Variants in KHDRBS2 observed in about 807,000 individuals in gnomAD.
KHDRBS2 encodes KH RNA binding domain containing, signal transduction associated 2, also known as KH domain-containing, RNA-binding, signal transduction-associated protein 2.
In KHDRBS2, 26 loss-of-function variants were observed where a neutral mutation model predicts 44.3. That is an observed-to-expected ratio of 0.59 (90% confidence interval 0.43 to 0.81). The LOEUF is 0.81. Ranked by LOEUF, KHDRBS2 falls within the 40% of genes least tolerant of loss-of-function variation. The pLI, the probability that KHDRBS2 is intolerant of heterozygous loss-of-function variation, is 0.00. For synonymous variants in KHDRBS2, 194 were observed against 151.1 expected (o/e 1.28, Z -2.08); for missense variants, 476 against 433.1 (o/e 1.10, Z -0.88).
At chr6:62,179,719 C>A (rs1343236714) in intron 1 of KHDRBS2, among the ~76,000 whole-genome samples, 7 of 151,746 alleles carry the variant, frequency 4.6e-5, no homozygotes, top group Non-Finnish European at 8.8e-5. Context: ...CACAAAACTA[C>A]TACCTTAGGC....
the KHDRBS2 span, among the ~76,000 whole-genome samples, chr6:61,650,464 C>A: frequency 1.3e-5 from 2 of 150,860 alleles, no homozygotes; most frequent in South Asian, 4.2e-4. Flanking sequence ...TAGAATCTAA[C>A]TAAATATTTG....
chr6:62,146,415 C>T (rs1813946019), intron 2 of KHDRBS2, among the ~76,000 whole-genome samples: 1 of 151,520 alleles, frequency 6.6e-6, no homozygotes, highest in Non-Finnish European at 1.5e-5. Flanking sequence ...CTCTACTATT[C>T]CTTACCTCAT....
the KHDRBS2 span, among the ~76,000 whole-genome samples, chr6:61,631,114 A>T: frequency 6.6e-6 from 1 of 152,084 alleles, no homozygotes; most frequent in African/African-American, 2.4e-5. Context: ...TAGAAGAGAC[A>T]TATCACTAAG....
intron 1 of KHDRBS2, among the ~76,000 whole-genome samples, chr6:62,235,344 C>T (rs1023766889): frequency 1.4e-4 from 21 of 152,096 alleles, no homozygotes; most frequent in African/African-American, 4.8e-4. Context: ...TAGACACTTT[C>T]TTCTGCCACG....
In KHDRBS2 at chr6:61,765,724, G is replaced by A. The variant is rs1472559498; in HGVS notation, c.811-32960C>T. ...AAAGCATTGTTGAATTTTATCAAAT[G>A]CTTTTTCAGCATCATTTGAAAAGAT... On this transcript the variant is annotated intron_variant, in intron 6 of 8. Transcript: ENST00000281156. Among the ~76,000 whole-genome samples, 8 of 152,018 alleles carry A rather than the reference G, an allele frequency of 5.3e-5. No homozygotes were observed. The South Asian group carries it at 1.5e-3, about 28-fold the overall frequency.
At chr6:62,043,681 T>A (rs1787045725) in intron 3 of KHDRBS2, among the ~76,000 whole-genome samples, 1 of 152,058 alleles carries the variant, frequency 6.6e-6, no homozygotes, top group Admixed American at 6.6e-5. Flanking sequence ...CGGCTAGGTA[T>A]AACTAAACAA....
the KHDRBS2 span, among the ~76,000 whole-genome samples, chr6:61,600,051 G>A: frequency 6.6e-6 from 1 of 152,208 alleles, no homozygotes; most frequent in South Asian, 2.1e-4. Flanking sequence ...AGGCTAGTCT[G>A]CATAAATGCT....
At chr6:61,939,482 T>G (rs1811716993) in intron 4 of KHDRBS2, among the ~76,000 whole-genome samples, 1 of 152,204 alleles carries the variant, frequency 6.6e-6, no homozygotes, top group Non-Finnish European at 1.5e-5. Context: ...ACAGATATTT[T>G]GCATCACTAG....
rs549707414 is a variant in KHDRBS2, at chr6:61,778,497, T to C, written c.811-45733A>G. Reference sequence around the variant, plus strand: ...TAACCTTCCAAACAGAAAGGCATAGTAAACATGACTTACAGAGGAGAATAT... The same window carrying C: ...TAACCTTCCAAACAGAAAGGCATAGCAAACATGACTTACAGAGGAGAATAT... On this transcript the variant is annotated intron_variant, in intron 6 of 8. Coordinates refer to ENST00000281156, the MANE Select transcript of KHDRBS2 (RefSeq NM_152688.4). Among the ~76,000 whole-genome samples, 18 of 152,242 alleles carry C rather than the reference T, an allele frequency of 1.2e-4. No individual in the cohort carries two copies. In the South Asian group the frequency reaches 3.7e-3, roughly 32 times the overall value.
intron 1 of KHDRBS2, 42 bp from the exon 2 acceptor site, chr6:62,177,354 CAATGTTATCATAAATATGCTGAAA>C (rs1341702653): frequency 2.7e-6 from 4 of 1,472,066 alleles, no homozygotes; most frequent in Non-Finnish European, 3.7e-6. Context: ...AAATGAGGAA[CAATGTTATCATAAATATGCTGAAA>C]AATGTTATCA....
chr6:61,732,481 A>ACTACTATTTCT (rs1774642216), intron 7 of KHDRBS2, among the ~76,000 whole-genome samples: 1 of 152,192 alleles, frequency 6.6e-6, no homozygotes. Flanking sequence ...AGAATGACAC[A>ACTACTATTTCT]CTACTATTTC....
At chr6:61,810,016 G>C (rs1787855455) in intron 6 of KHDRBS2, among the ~76,000 whole-genome samples, 1 of 152,038 alleles carries the variant, frequency 6.6e-6, no homozygotes, top group African/African-American at 2.4e-5. Context: ...AGGTCCCACA[G>C]GGTCTTAAAT....
chr6:62,035,296 G>T (rs565662061), intron 3 of KHDRBS2, among the ~76,000 whole-genome samples: 1 of 152,068 alleles, frequency 6.6e-6, no homozygotes, highest in African/African-American at 2.4e-5. Context: ...ACACAATGGA[G>T]TACTATTCAG....
intron 2 of KHDRBS2, among the ~76,000 whole-genome samples, chr6:62,056,913 T>G (rs991104642): frequency 3.3e-5 from 5 of 151,982 alleles, no homozygotes; most frequent in Non-Finnish European, 7.4e-5. Context: ...TCCCAACACT[T>G]CTATTTCAAT....
At chr6:61,558,831 C>T in the KHDRBS2 span, among the ~76,000 whole-genome samples, 32,212 of 151,982 alleles carry the variant, frequency 0.21, 3,688 homozygotes, top group East Asian at 0.29. Context: ...GGTTTTGGGG[C>T]CTAACATATG....
rs11306947 is a variant in KHDRBS2, at chr6:62,243,604, C to CAA, written c.91+42252_91+42253dup. On this transcript the variant is annotated intron_variant, in intron 1 of 8. Coordinates refer to ENST00000281156, the MANE Select transcript of KHDRBS2 (RefSeq NM_152688.4). The stretch of plus-strand genomic sequence containing the variant: ...TCAAACATAATACATCATACCTATA[C>CAA]AAAAAAAAAAAAAACTCATTATACT... Among the ~76,000 whole-genome samples, 373 of 116,476 alleles carry CAA rather than the reference C, an allele frequency of 3.2e-3. 3 individuals are homozygous for CAA. The highest frequency in any genetic ancestry group is 8.8e-3 in the African/African-American group (320 of 36,418). 76.4% of individuals were successfully genotyped at this position (116,476 alleles called of 152,430 possible). A position where few individuals can be genotyped will look rare whatever the true frequency, so the allele number is the denominator to read the frequency against.
At chr6:61,965,055 G>T in intron 4 of KHDRBS2, among the ~76,000 whole-genome samples, 2 of 152,172 alleles carry the variant, frequency 1.3e-5, no homozygotes, top group East Asian at 3.9e-4. Context: ...TGTAAACGAA[G>T]TTCTGTTGCT....
chr6:62,252,847 T>A (rs1348481000), intron 1 of KHDRBS2, among the ~76,000 whole-genome samples: 1 of 152,002 alleles, frequency 6.6e-6, no homozygotes, highest in Non-Finnish European at 1.5e-5. Flanking sequence ...ATAATTTGAA[T>A]CTGAATCATA....
intron 6 of KHDRBS2, among the ~76,000 whole-genome samples, chr6:61,855,516 C>G (rs769488511): frequency 1.3e-5 from 2 of 151,550 alleles, no homozygotes; most frequent in Middle Eastern, 3.4e-3. Context: ...ATACTAGACC[C>G]TCATGATATA....
Sources: gnomAD v4.1 joint callset for allele counts (sites outside exome capture counted in the v4.1 genomes callset) on GRCh38, gnomAD v4.1.1 for gene constraint, MANE v1.5 for transcripts, NCBI Gene and HGNC (gene_info 2026-07-23, HGNC 2026-07-21) for gene names.